TAFA2: variants seen among roughly 807,000 people sequenced by gnomAD.
TAFA2 encodes TAFA chemokine like family member 2.
TAFA2 carries 7 observed loss-of-function variants against 18.8 expected under a neutral mutation model. That is an observed-to-expected ratio of 0.37 (90% CI 0.21 to 0.70). The LOEUF (loss-of-function observed/expected upper bound fraction) is 0.70, where lower values mean the gene tolerates loss of function less well. Ranked by LOEUF, TAFA2 falls within the 30% of genes least tolerant of loss-of-function variation. TAFA2 has a pLI of 0.53. For missense variants in TAFA2, 122 were observed against 158.1 expected (o/e 0.77, Z 1.23); for synonymous variants, 60 against 54.2 (o/e 1.11, Z -0.47).
At chr12:62,225,281 G>A (rs2062781322) in intron 1 of TAFA2, among the ~76,000 whole-genome samples, 1 of 152,130 alleles carries the variant, frequency 6.6e-6, no homozygotes, top group Non-Finnish European at 1.5e-5. Flanking sequence ...GACTACTTTA[G>A]CAAATGGTGT....
intron 1 of TAFA2, among the ~76,000 whole-genome samples, chr12:61,923,897 C>T (rs1231179608): frequency 1.3e-5 from 2 of 151,514 alleles, no homozygotes; most frequent in African/African-American, 4.9e-5. Flanking sequence ...CATAGATGAC[C>T]TGATGGAGCT....
Position 61,867,445 on chromosome 12 carries a change from T to C in TAFA2, c.-1-19A>G, listed in dbSNP as rs1874406471. 7.1e-7 allele frequency: 1 copy of C among 1,406,978 alleles called. No homozygotes were observed. Among genetic ancestry groups the C allele is most frequent in the Admixed American group, 1.8e-5 (1 of 56,702 alleles). 87.2% of individuals were successfully genotyped at this position (1,406,978 alleles called of 1,614,324 possible). The stretch of plus-strand genomic sequence containing the variant: ...ACTCATCCTGCAAATAAAAAAATAA[T>C]AAAAATCATAAGTATGCAAATTCAT... On this transcript the variant is annotated intron_variant, in intron 1 of 4. Transcript: ENST00000416284.
intron 1 of TAFA2, among the ~76,000 whole-genome samples, chr12:62,188,109 G>A (rs2062597881): frequency 1.3e-5 from 2 of 152,108 alleles, no homozygotes; most frequent in Admixed American, 6.5e-5. Context: ...CTGTGTTAAT[G>A]CATTTCTTCT....
chr12:61,747,234 T>G lies in TAFA2; in HGVS notation c.384+6388A>C, dbSNP rs540072247. 4.2e-3 allele frequency among the ~76,000 whole-genome samples: 635 copies of G among 150,006 alleles called. 4 individuals carry two copies. The highest frequency in any genetic ancestry group is 0.015 in the African/African-American group (621 of 40,776). The stretch of plus-strand genomic sequence containing the variant: ...GAAACAACAGGTGCTGGAGAGGATG[T>G]GGAGAAATAGGAACACTTTTACACT... On this transcript the variant is annotated intron_variant, in intron 4 of 4. Coordinates refer to ENST00000416284, the MANE Select transcript of TAFA2 (RefSeq NM_178539.5).
At chr12:62,104,224 C>T (rs1592337313) in intron 1 of TAFA2, among the ~76,000 whole-genome samples, 1 of 151,838 alleles carries the variant, frequency 6.6e-6, no homozygotes, top group East Asian at 1.9e-4. Flanking sequence ...TTAGCTAATC[C>T]TATCTTCACA....
chr12:61,882,875 T>C (rs1449192098), intron 1 of TAFA2, among the ~76,000 whole-genome samples: 1 of 152,166 alleles, frequency 6.6e-6, no homozygotes, highest in East Asian at 1.9e-4. Flanking sequence ...TTGATCATTT[T>C]GTACAATAAA....
At chr12:61,985,942 T>C (rs946823128) in intron 1 of TAFA2, among the ~76,000 whole-genome samples, 1 of 152,148 alleles carries the variant, frequency 6.6e-6, no homozygotes, top group African/African-American at 2.4e-5. Flanking sequence ...AGCTCTGGAC[T>C]ACTCAGATTT....
chr12:62,212,959 A>G (rs1253573978), intron 1 of TAFA2, among the ~76,000 whole-genome samples: 2 of 152,210 alleles, frequency 1.3e-5, no homozygotes, highest in East Asian at 3.9e-4. Flanking sequence ...AAATAAGCCT[A>G]AATATATTAT....
intron 1 of TAFA2, among the ~76,000 whole-genome samples, chr12:62,187,424 CT>C (rs1485245326): frequency 2.0e-5 from 3 of 152,134 alleles, no homozygotes; most frequent in Non-Finnish European, 4.4e-5. Flanking sequence ...GGCAGACATT[CT>C]ACAAAGTTGT....
At chr12:61,977,297 T>A (rs372371803) in intron 1 of TAFA2, among the ~76,000 whole-genome samples, 13 of 152,182 alleles carry the variant, frequency 8.5e-5, no homozygotes, top group African/African-American at 3.1e-4. Flanking sequence ...CATCTCCAAA[T>A]TTTAAAATGG....
intron 1 of TAFA2, among the ~76,000 whole-genome samples, chr12:62,167,909 A>G (rs925588864): frequency 6.6e-6 from 1 of 152,232 alleles, no homozygotes; most frequent in Non-Finnish European, 1.5e-5. Context: ...AGATAGGGCA[A>G]TTTGAGCCTC....
At chr12:62,181,994 C>CCG (rs1555196473) in intron 1 of TAFA2, among the ~76,000 whole-genome samples, 10 of 149,312 alleles carry the variant, frequency 6.7e-5, no homozygotes, top group Non-Finnish European at 1.3e-4. Flanking sequence ...AGTCCATCCC[C>CCG]CCCCCGCTAC....
chr12:61,756,009 A>G (rs769831094), intron 2 of TAFA2, among the ~76,000 whole-genome samples: 36 of 152,118 alleles, frequency 2.4e-4, no homozygotes, highest in Admixed American at 3.3e-4. Flanking sequence ...ATGGAAAAGC[A>G]GGAGATCTTA....
At chr12:61,832,062 C>T (rs961541531) in intron 2 of TAFA2, among the ~76,000 whole-genome samples, 12 of 152,158 alleles carry the variant, frequency 7.9e-5, no homozygotes, top group South Asian at 4.1e-4. Context: ...TCTTCCTTCA[C>T]GCTTGCTCTT....
chr12:62,054,895 T>G (rs1233740785), intron 1 of TAFA2, among the ~76,000 whole-genome samples: 3 of 152,236 alleles, frequency 2.0e-5, no homozygotes, highest in Admixed American at 6.5e-5. Context: ...CAGTATTTTT[T>G]TATCTTCTAA....
At chr12:62,245,919 T>TTA (rs568026560) in intron 1 of TAFA2, among the ~76,000 whole-genome samples, 90 of 150,686 alleles carry the variant, frequency 6.0e-4, no homozygotes, top group Middle Eastern at 3.5e-3. Flanking sequence ...TCATCTTTTC[T>TTA]TATATATATA....
At chr12:62,235,190 G>T in intron 1 of TAFA2, 1 of 666,860 alleles carries the variant, frequency 1.5e-6, no homozygotes, top group South Asian at 1.5e-5. Flanking sequence ...AAATCATCCG[G>T]AAAGGAGTGG....
At chr12:61,725,006 C>G (rs1592346429) in intron 4 of TAFA2, among the ~76,000 whole-genome samples, 1 of 151,542 alleles carries the variant, frequency 6.6e-6, no homozygotes, top group East Asian at 1.9e-4. Flanking sequence ...TAAATTATGG[C>G]CATTCCATTG....
At chr12:62,124,913 T>C (rs1870385999) in intron 1 of TAFA2, among the ~76,000 whole-genome samples, 1 of 152,108 alleles carries the variant, frequency 6.6e-6, no homozygotes, top group Admixed American at 6.6e-5. Context: ...CTCCAGCCCA[T>C]AACTCACTAC....
Sources: gnomAD v4.1 joint callset for allele counts (sites outside exome capture counted in the v4.1 genomes callset) on GRCh38, gnomAD v4.1.1 for gene constraint, MANE v1.5 for transcripts, NCBI Gene and HGNC (gene_info 2026-07-23, HGNC 2026-07-21) for gene names.